Variants in C8orf34 observed in about 807,000 individuals in gnomAD.
C8orf34 encodes chromosome 8 open reading frame 34.
In C8orf34, 65 loss-of-function variants were observed where a neutral mutation model predicts 68.3. That is an observed-to-expected ratio of 0.95 (90% CI 0.78 to 1.17). The LOEUF (loss-of-function observed/expected upper bound fraction) is 1.17. Ranked by LOEUF, C8orf34 falls within the 50% of genes most tolerant of loss-of-function variation. The pLI is 0.00. For synonymous variants in C8orf34, 244 were observed against 241.2 expected (o/e 1.01, Z -0.11); for missense variants, 664 against 655.4 (o/e 1.01, Z -0.14).
intron 1 of C8orf34, among the ~76,000 whole-genome samples, chr8:68,405,098 T>C (rs1042653117): frequency 2.0e-5 from 3 of 152,166 alleles, no homozygotes; most frequent in East Asian, 1.9e-4. Context: ...TTGTATGTTG[T>C]ATTCCTAGGT....
chr8:68,817,979 T>C (rs1824868499), intron 13 of C8orf34, among the ~76,000 whole-genome samples: 1 of 148,628 alleles, frequency 6.7e-6, no homozygotes, highest in African/African-American at 2.5e-5. Flanking sequence ...ATTATGGGGA[T>C]TGTAATTCAA....
chr8:68,437,642 A>G (rs1390974602), intron 1 of C8orf34, among the ~76,000 whole-genome samples: 1 of 152,122 alleles, frequency 6.6e-6, no homozygotes, highest in Non-Finnish European at 1.5e-5. Context: ...GCCTTTTTTA[A>G]TTTATTATTA....
chr8:68,538,159 C>T (rs989429295), intron 7 of C8orf34, among the ~76,000 whole-genome samples: 3 of 152,118 alleles, frequency 2.0e-5, no homozygotes, highest in South Asian at 4.1e-4. Context: ...ATAAGTTCCA[C>T]GTTTTTTGAC....
chr8:68,772,971 A>G (rs574836313), intron 10 of C8orf34, among the ~76,000 whole-genome samples: 3 of 148,688 alleles, frequency 2.0e-5, no homozygotes, highest in South Asian at 4.2e-4. Context: ...CTCTCCTTGT[A>G]TCCTCTCCCC....
At chr8:68,380,010 A>T (rs1054989926) in intron 1 of C8orf34, among the ~76,000 whole-genome samples, 1 of 151,792 alleles carries the variant, frequency 6.6e-6, no homozygotes. Flanking sequence ...GCATCACTAC[A>T]CCCCCCTTCT....
intron 5 of C8orf34, among the ~76,000 whole-genome samples, chr8:68,498,595 T>C (rs1202578191): frequency 6.6e-6 from 1 of 152,150 alleles, no homozygotes; most frequent in Non-Finnish European, 1.5e-5. Context: ...AATGAGACTG[T>C]TGTGTGTGCT....
At chr8:68,676,204 T>A (rs781543782) in intron 8 of C8orf34, among the ~76,000 whole-genome samples, 1 of 151,980 alleles carries the variant, frequency 6.6e-6, no homozygotes, top group Non-Finnish European at 1.5e-5. Flanking sequence ...TGTGGAGGCA[T>A]ACACCTGTAG....
chr8:68,627,882 A>G (rs1384309495), intron 7 of C8orf34, among the ~76,000 whole-genome samples: 1 of 152,226 alleles, frequency 6.6e-6, no homozygotes, highest in Non-Finnish European at 1.5e-5. Flanking sequence ...ATTGATGGTT[A>G]CATTCAAAGA....
chr8:68,488,080 G>C (rs772565799), intron 5 of C8orf34, 29 bp downstream of exon 5: 6 of 1,508,588 alleles, frequency 4.0e-6, no homozygotes, highest in Non-Finnish European at 4.5e-6. Context: ...CTGGTGAAAA[G>C]AAAATGTAGA....
At chr8:68,400,130 G>C (rs1808884961) in intron 1 of C8orf34, among the ~76,000 whole-genome samples, 1 of 152,130 alleles carries the variant, frequency 6.6e-6, no homozygotes. Flanking sequence ...TATTCACTCT[G>C]TTGATTCTTT....
At chr8:68,723,149 A>G (rs1209948961) in intron 10 of C8orf34, among the ~76,000 whole-genome samples, 1 of 152,082 alleles carries the variant, frequency 6.6e-6, no homozygotes, top group Non-Finnish European at 1.5e-5. Context: ...TTTCTTGTAG[A>G]AACAGTTTAT....
At chr8:68,409,240 A>T (rs1809340192) in intron 1 of C8orf34, among the ~76,000 whole-genome samples, 1 of 152,212 alleles carries the variant, frequency 6.6e-6, no homozygotes, top group Admixed American at 6.5e-5. Flanking sequence ...TAAAAAGTTA[A>T]CTGGAAAACA....
chr8:68,697,205 C>A (rs1435354172), intron 8 of C8orf34, among the ~76,000 whole-genome samples: 1 of 151,590 alleles, frequency 6.6e-6, no homozygotes, highest in African/African-American at 2.4e-5. Context: ...TTGATATTTC[C>A]TTTTATTTGC....
At chr8:68,468,565 C>A in intron 3 of C8orf34, 127 bp from the exon 4 acceptor site, 2 of 867,200 alleles carry the variant, frequency 2.3e-6, no homozygotes, top group Non-Finnish European at 1.6e-6. Flanking sequence ...CACAAGCAAA[C>A]CATCTTCAAG....
intron 12 of C8orf34, among the ~76,000 whole-genome samples, chr8:68,808,907 G>A (rs1824565237): frequency 6.7e-6 from 1 of 149,924 alleles, no homozygotes; most frequent in Non-Finnish European, 1.5e-5. Flanking sequence ...CCTTTATATA[G>A]TTTTGTTGCC....
chr8:68,745,816 G>C (rs1159829622), intron 10 of C8orf34, among the ~76,000 whole-genome samples: 1 of 152,024 alleles, frequency 6.6e-6, no homozygotes, highest in African/African-American at 2.4e-5. Context: ...ATCAACATTA[G>C]ACAGATCAAC....
intron 6 of C8orf34, among the ~76,000 whole-genome samples, chr8:68,528,716 A>G (rs1370527527): frequency 1.3e-5 from 2 of 152,170 alleles, no homozygotes; most frequent in Non-Finnish European, 2.9e-5. Context: ...TGCCATTCAC[A>G]TATTCACTCT....
At chr8:68,535,974 C>A (rs1442598356) in intron 7 of C8orf34, 3 of 636,006 alleles carry the variant, frequency 4.7e-6, no homozygotes, top group Admixed American at 6.3e-5. Flanking sequence ...AGTAATCGTT[C>A]TGGCAATTAA....
intron 7 of C8orf34, among the ~76,000 whole-genome samples, chr8:68,598,548 A>G (rs772182746): frequency 6.6e-6 from 1 of 152,142 alleles, no homozygotes; most frequent in Non-Finnish European, 1.5e-5. Context: ...ACAAACATCA[A>G]GAAGAGACCA....
Sources: gnomAD v4.1 joint callset for allele counts (sites outside exome capture counted in the v4.1 genomes callset) on GRCh38, gnomAD v4.1.1 for gene constraint, MANE v1.5 for transcripts, NCBI Gene and HGNC (gene_info 2026-07-23, HGNC 2026-07-21) for gene names.